Variants in RAI2 observed in about 807,000 individuals in gnomAD.
RAI2 encodes retinoic acid induced 2.
Under a neutral mutation model 15.3 loss-of-function variants are expected in RAI2, and 5 were observed. That is an observed-to-expected ratio of 0.33 (90% CI 0.17 to 0.69). The LOEUF (loss-of-function observed/expected upper bound fraction) is 0.69. Among genes scored for constraint, RAI2 ranks in the 30% least tolerant of loss-of-function variants. RAI2 has a pLI of 0.69. For missense variants in RAI2, 424 were observed against 424.7 expected (o/e 1.00, Z 0.01); for synonymous variants, 191 against 184.0 (o/e 1.04, Z -0.31).
At chrX:17,844,005 G>A (rs1476106379) in intron 1 of RAI2, among the ~76,000 whole-genome samples, 1 of 111,901 alleles carries the variant, frequency 8.9e-6, no homozygotes, top group African/African-American at 3.3e-5. Flanking sequence ...GAGGGTTAGG[G>A]AATTTGTTTC....
intron 1 of RAI2, among the ~76,000 whole-genome samples, chrX:17,806,312 C>A (rs1159327469): frequency 8.9e-6 from 1 of 111,896 alleles, no homozygotes; most frequent in Non-Finnish European, 1.9e-5. Flanking sequence ...GCCCAGGGGG[C>A]ATGAATTTCT....
At chrX:17,807,981 C>T (rs2067000695) in intron 1 of RAI2, among the ~76,000 whole-genome samples, 1 of 112,258 alleles carries the variant, frequency 8.9e-6, no homozygotes, top group South Asian at 3.7e-4. Flanking sequence ...GGACTGTCTA[C>T]CCAAGCTTGT....
intron 1 of RAI2, among the ~76,000 whole-genome samples, chrX:17,857,510 C>T (rs1472067966): frequency 1.8e-5 from 2 of 111,957 alleles, no homozygotes; most frequent in African/African-American, 6.5e-5. Flanking sequence ...GAGTTAGTTG[C>T]TTAACCTTTC....
chrX:17,846,098 C>T (rs758927186), intron 1 of RAI2, among the ~76,000 whole-genome samples: 55 of 111,576 alleles, frequency 4.9e-4, no homozygotes, highest in African/African-American at 1.7e-3. Context: ...GAAAGGGTTT[C>T]GGATATGTTC....
At chrX:17,845,152 A>C (rs1038934091) in intron 1 of RAI2, among the ~76,000 whole-genome samples, 4 of 112,400 alleles carry the variant, frequency 3.6e-5, no homozygotes, top group Non-Finnish European at 7.5e-5. Flanking sequence ...ATGAACAAGA[A>C]GACTCATTTT....
chrX:17,821,527 G>A (rs1431592332), intron 1 of RAI2, among the ~76,000 whole-genome samples: 1 of 110,216 alleles, frequency 9.1e-6, no homozygotes, highest in Non-Finnish European at 1.9e-5. Flanking sequence ...TGACATTCCA[G>A]CACTCTAAGG....
At chrX:17,845,545 C>T (rs1291995066) in intron 1 of RAI2, among the ~76,000 whole-genome samples, 1 of 112,490 alleles carries the variant, frequency 8.9e-6, no homozygotes, top group East Asian at 2.8e-4. Context: ...GCTTCCTACT[C>T]CAAGCTCTCC....
chrX:17,854,968 C>T (rs953411059), intron 1 of RAI2, among the ~76,000 whole-genome samples: 4 of 111,428 alleles, frequency 3.6e-5, no homozygotes, highest in African/African-American at 9.8e-5. Context: ...CATCCCTTTC[C>T]GTCTATTTAT....
intron 1 of RAI2, among the ~76,000 whole-genome samples, chrX:17,806,425 G>T (rs895550058): frequency 1.8e-5 from 2 of 112,390 alleles, no homozygotes; most frequent in African/African-American, 6.5e-5. Context: ...TATCCCCAGG[G>T]GTGTGGGAGT....
chrX:17,845,186 G>A (rs1214956634), intron 1 of RAI2, among the ~76,000 whole-genome samples: 1 of 112,511 alleles, frequency 8.9e-6, no homozygotes, highest in East Asian at 2.8e-4. Context: ...ATTTTAGGAG[G>A]GCAGGGTATC....
At chrX:17,856,088 G>A (rs770899280) in intron 1 of RAI2, among the ~76,000 whole-genome samples, 1 of 112,258 alleles carries the variant, frequency 8.9e-6, no homozygotes, top group East Asian at 2.8e-4. Flanking sequence ...GGGAAGAGGA[G>A]TGACAGGTGT....
chrX:17,852,284 G>A (rs1306672385), intron 1 of RAI2, among the ~76,000 whole-genome samples: 1 of 112,135 alleles, frequency 8.9e-6, no homozygotes, highest in African/African-American at 3.2e-5. Flanking sequence ...ATGAAGTGTC[G>A]CTGGCTTGCC....
At position 17,835,551 on chromosome X, in the gene RAI2, T is replaced by C. The variant is rs186358125; in HGVS notation, c.-25+25547A>G. Among the ~76,000 whole-genome samples, 22 of 112,063 alleles carry C rather than the reference T, an allele frequency of 2.0e-4. No homozygotes were observed. In the East Asian group the frequency reaches 5.9e-3, roughly 30 times the overall value. On this transcript the variant is annotated intron_variant, in intron 1 of 1. Coordinates refer to ENST00000451717, the MANE Select transcript of RAI2 (RefSeq NM_021785.6). Reference sequence around the variant, plus strand: ...ATCAACCAAGATCTGTATCTGCAATTTGACATCTTGCCCTCTTTAAATGCT... The same window carrying C: ...ATCAACCAAGATCTGTATCTGCAATCTGACATCTTGCCCTCTTTAAATGCT...
At chrX:17,823,803 T>C (rs2067197034) in intron 1 of RAI2, among the ~76,000 whole-genome samples, 1 of 111,705 alleles carries the variant, frequency 9.0e-6, no homozygotes, top group Admixed American at 9.5e-5. Flanking sequence ...GCATCAGGAT[T>C]TGTTTAGAGC....
At chrX:17,837,162 C>T (rs1408584945) in intron 1 of RAI2, among the ~76,000 whole-genome samples, 1 of 111,327 alleles carries the variant, frequency 9.0e-6, no homozygotes, top group Non-Finnish European at 1.9e-5. Context: ...TGCAGGGGTT[C>T]GAAGTGAGCA....
chrX:17,821,258 C>T lies in RAI2; in HGVS notation c.-24-19224G>A, dbSNP rs775284071. 4.5e-5 allele frequency among the ~76,000 whole-genome samples: 5 copies of T among 111,894 alleles called. No homozygotes were observed. In the Admixed American group the frequency reaches 4.8e-4, roughly 11 times the overall value. On this transcript the variant is annotated intron_variant, in intron 1 of 1. Coordinates refer to ENST00000451717, the MANE Select transcript of RAI2 (RefSeq NM_021785.6). ...ACGTGTGAACTGTCCCCCGACTCAA[C>T]AACATGTAGGTCTGTCGCTGGACTT...
chrX:17,842,225 A>G (rs1198005902), intron 1 of RAI2, among the ~76,000 whole-genome samples: 2 of 111,288 alleles, frequency 1.8e-5, no homozygotes, highest in Admixed American at 1.9e-4. Flanking sequence ...GCATCCCCTT[A>G]CTGCCCACAG....
chrX:17,820,024 A>G (rs1455702039), intron 1 of RAI2, among the ~76,000 whole-genome samples: 1 of 112,524 alleles, frequency 8.9e-6, no homozygotes, highest in Non-Finnish European at 1.9e-5. Flanking sequence ...AAAAACCCTC[A>G]GTGGTTCTGC....
At chrX:17,818,771 G>A (rs775811072) in intron 1 of RAI2, among the ~76,000 whole-genome samples, 1 of 112,286 alleles carries the variant, frequency 8.9e-6, no homozygotes, top group South Asian at 3.7e-4. Context: ...AGGATTTCCA[G>A]TTGCCTATGC....
Sources: gnomAD v4.1 joint callset for allele counts (sites outside exome capture counted in the v4.1 genomes callset) on GRCh38, gnomAD v4.1.1 for gene constraint, MANE v1.5 for transcripts, NCBI Gene and HGNC (gene_info 2026-07-23, HGNC 2026-07-21) for gene names.